Variants in LRRC18 observed in about 807,000 individuals in gnomAD.
LRRC18 encodes the protein leucine rich repeat containing 18, also known as leucine-rich repeat-containing protein 18.
Under a neutral mutation model 11.2 loss-of-function variants are expected in LRRC18, and 12 were observed. The observed-to-expected ratio is 1.07, with a 90% CI of 0.69 to 1.74. The LOEUF is 1.74. LRRC18 is among the 40% of genes most tolerant of loss of function. LRRC18 has a pLI of 0.00. For synonymous variants in LRRC18, 155 were observed against 130.6 expected (o/e 1.19, Z -1.27); for missense variants, 374 against 330.5 (o/e 1.13, Z -1.02).
the LRRC18 span, among the ~76,000 whole-genome samples, chr10:48,925,450 C>G: frequency 1.3e-5 from 2 of 152,176 alleles, no homozygotes; most frequent in Admixed American, 1.3e-4. Context: ...GAGAATTACC[C>G]CTTGTCCAAA....
the LRRC18 span, among the ~76,000 whole-genome samples, chr10:48,939,134 A>G: frequency 6.6e-6 from 1 of 152,184 alleles, no homozygotes; most frequent in Non-Finnish European, 1.5e-5. Context: ...CAGGTTGCAC[A>G]ATTCTAAGGT....
chr10:48,933,007 G>T, the LRRC18 span, among the ~76,000 whole-genome samples: 1 of 152,134 alleles, frequency 6.6e-6, no homozygotes, highest in Non-Finnish European at 1.5e-5. Flanking sequence ...CTTCTATAAG[G>T]ATAACGCTGG....
upstream of LRRC18, among the ~76,000 whole-genome samples, chr10:48,916,647 T>C (rs1196196841): frequency 6.6e-6 from 1 of 152,304 alleles, no homozygotes; most frequent in East Asian, 1.9e-4. Flanking sequence ...GAGATGCTCC[T>C]GGGAGCCACA....
upstream of LRRC18, among the ~76,000 whole-genome samples, chr10:48,915,069 G>A (rs888911337): frequency 6.6e-6 from 1 of 152,188 alleles, no homozygotes; most frequent in Non-Finnish European, 1.5e-5. Context: ...TAGAAGTCCA[G>A]CTCTACTCTA....
At chr10:48,912,499 A>C (rs1838096658) in intron 1 of LRRC18, among the ~76,000 whole-genome samples, 1 of 152,184 alleles carries the variant, frequency 6.6e-6, no homozygotes. Flanking sequence ...CACATCCACG[A>C]CTGGGATCTC....
the LRRC18 span, among the ~76,000 whole-genome samples, chr10:48,922,062 A>T: frequency 6.6e-6 from 1 of 152,252 alleles, no homozygotes. Flanking sequence ...ACAGAAAAAT[A>T]ATAAATGTCC....
At position 48,914,213 on chromosome 10, in the gene LRRC18, T is replaced by C. The variant is rs1198851782; in HGVS notation, c.-58A>G. On this transcript the variant is annotated 5_prime_UTR_variant, in exon 1 of 2. Coordinates refer to ENST00000374160, the Ensembl canonical transcript of LRRC18. ...TGTTCTGATTGGATAGTGATCAGTG[T>C]GAGGAAAAATCATGAAAAACTGCTG... 5 of 1,531,146 alleles carry C rather than the reference T, an allele frequency of 3.3e-6. No homozygotes were observed. The African/African-American group carries it at 5.5e-5, about 17-fold the overall frequency. 94.8% of individuals were successfully genotyped at this position (1,531,146 alleles called of 1,614,324 possible). A position where few individuals can be genotyped will look rare whatever the true frequency, so the allele number is the denominator to read the frequency against.
chr10:48,931,096 AACACACACACAC>A, the LRRC18 span, among the ~76,000 whole-genome samples: 3,516 of 149,588 alleles, frequency 0.024, 105 homozygotes, highest in African/African-American at 0.062. Context: ...CTCACACTCA[AACACACACACAC>A]ACACACACAC....
At chr10:48,935,615 C>T in the LRRC18 span, among the ~76,000 whole-genome samples, 1 of 152,150 alleles carries the variant, frequency 6.6e-6, no homozygotes, top group Non-Finnish European at 1.5e-5. Flanking sequence ...TTTGAGAGGG[C>T]TGTCTTTCAT....
chr10:48,920,838 C>T, the LRRC18 span, among the ~76,000 whole-genome samples: 1 of 152,238 alleles, frequency 6.6e-6, no homozygotes, highest in African/African-American at 2.4e-5. Context: ...GCACACAAAA[C>T]ACCCATTGCA....
At chr10:48,923,788 AC>A in the LRRC18 span, among the ~76,000 whole-genome samples, 1 of 151,972 alleles carries the variant, frequency 6.6e-6, no homozygotes, top group Non-Finnish European at 1.5e-5. Flanking sequence ...AACACCAAAA[AC>A]CTGGGCTGCC....
At chr10:48,911,013 T>C (rs936483384) in intron 1 of LRRC18, 1 of 516,496 alleles carries the variant, frequency 1.9e-6, no homozygotes, top group Non-Finnish European at 2.5e-6. Context: ...AAAGTCATCA[T>C]GTAGCTATCC....
the LRRC18 span, chr10:48,932,742 A>G: frequency 4.6e-5 from 7 of 152,184 alleles, no homozygotes; most frequent in African/African-American, 1.7e-4. Context: ...ATGATGTGAC[A>G]GAGAATGCCA....
At chr10:48,937,775 G>A in the LRRC18 span, among the ~76,000 whole-genome samples, 78,174 of 152,074 alleles carry the variant, frequency 0.51, 20,462 homozygotes, top group East Asian at 0.66. Flanking sequence ...GAAAGGGTAC[G>A]TCTGTCTCTA....
chr10:48,934,081 G>A, the LRRC18 span, among the ~76,000 whole-genome samples: 2 of 152,298 alleles, frequency 1.3e-5, no homozygotes, highest in South Asian at 4.1e-4. Context: ...TGTGATCAGA[G>A]CAGCTTACAG....
chr10:48,938,930 C>T, the LRRC18 span, among the ~76,000 whole-genome samples: 1 of 152,152 alleles, frequency 6.6e-6, no homozygotes, highest in Non-Finnish European at 1.5e-5. Flanking sequence ...CTGTGCTAGG[C>T]CCAATAAGGC....
chr10:48,933,248 A>T, the LRRC18 span, among the ~76,000 whole-genome samples: 1 of 152,194 alleles, frequency 6.6e-6, no homozygotes, highest in Non-Finnish European at 1.5e-5. Flanking sequence ...AGCACTTCCC[A>T]TATCTTTTCC....
chr10:48,910,329 G>A, intron 1 of LRRC18, 71 bp from the exon 4 acceptor site: 2 of 1,362,224 alleles, frequency 1.5e-6, no homozygotes, highest in Non-Finnish European at 2.1e-6. Context: ...AAGGGCAGAG[G>A]TCACACCAGC....
At chr10:48,918,428 T>C (rs1838747160), upstream of LRRC18, among the ~76,000 whole-genome samples, 1 of 152,220 alleles carries the variant, frequency 6.6e-6, no homozygotes, top group African/African-American at 2.4e-5. Flanking sequence ...GTAGTGACTT[T>C]ATTAATGTCA....
Sources: allele counts gnomAD v4.1 joint callset (sites outside exome capture counted in the v4.1 genomes callset), GRCh38; gene constraint gnomAD v4.1.1; transcripts MANE v1.5; gene names NCBI Gene and HGNC (gene_info 2026-07-23, HGNC 2026-07-21).